GPM6A: variants seen among roughly 807,000 people sequenced by gnomAD.
GPM6A encodes glycoprotein M6A, also known as neuronal membrane glycoprotein M6-a.
A neutral mutation model predicts 32.1 loss-of-function variants in GPM6A; 7 were observed. The observed-to-expected ratio is 0.22, with a 90% CI of 0.12 to 0.41. The LOEUF is 0.41. GPM6A is among the 10% of genes least tolerant of loss of function. The probability of loss-of-function intolerance (pLI) is 1.00; values close to 1 mark genes in which losing one functional copy is unlikely to be tolerated. For missense variants in GPM6A, 235 were observed against 347.2 expected (o/e 0.68, Z 2.57); for synonymous variants, 130 against 123.4 (o/e 1.05, Z -0.35).
intron 1 of GPM6A, among the ~76,000 whole-genome samples, chr4:175,844,367 C>G (rs1736027276): frequency 6.6e-6 from 1 of 152,146 alleles, no homozygotes; most frequent in Non-Finnish European, 1.5e-5. Flanking sequence ...TGCCACAAGA[C>G]TGAATTATCT....
chr4:175,685,129 T>A (rs947624362), intron 2 of GPM6A, among the ~76,000 whole-genome samples: 1 of 152,138 alleles, frequency 6.6e-6, no homozygotes, highest in African/African-American at 2.4e-5. Context: ...GACCTCGTGA[T>A]CCACCTGCCT....
intron 1 of GPM6A, among the ~76,000 whole-genome samples, chr4:175,724,651 A>C (rs985525871): frequency 6.6e-6 from 1 of 152,150 alleles, no homozygotes. Flanking sequence ...TGAACTGTGC[A>C]TTATATATGT....
At chr4:175,860,543 A>C (rs1211020258) in intron 1 of GPM6A, among the ~76,000 whole-genome samples, 1 of 152,228 alleles carries the variant, frequency 6.6e-6, no homozygotes, top group Non-Finnish European at 1.5e-5. Context: ...AGAGAAATTG[A>C]ATCCATAATT....
At chr4:175,781,588 G>A (rs567720132) in intron 1 of GPM6A, among the ~76,000 whole-genome samples, 19 of 152,044 alleles carry the variant, frequency 1.2e-4, no homozygotes, top group South Asian at 1.0e-3. Context: ...CACTTCATTC[G>A]GTCATTACCT....
chr4:175,711,103 T>C (rs905605704), intron 1 of GPM6A, among the ~76,000 whole-genome samples: 1 of 152,150 alleles, frequency 6.6e-6, no homozygotes, highest in Admixed American at 6.5e-5. Context: ...TGTACATACA[T>C]GTGTACATAT....
At chr4:175,836,881 AC>A (rs1735785509) in intron 1 of GPM6A, among the ~76,000 whole-genome samples, 1 of 152,174 alleles carries the variant, frequency 6.6e-6, no homozygotes, top group Non-Finnish European at 1.5e-5. Flanking sequence ...AAATGGCTTC[AC>A]CAGGCATAGC....
intron 1 of GPM6A, among the ~76,000 whole-genome samples, chr4:175,838,388 A>C (rs914091669): frequency 3.3e-5 from 5 of 149,568 alleles, no homozygotes; most frequent in East Asian, 2.1e-4. Context: ...TACTGTCTGA[A>C]GCTTGGATGA....
intron 1 of GPM6A, among the ~76,000 whole-genome samples, chr4:175,830,385 A>G (rs1471128655): frequency 6.6e-6 from 1 of 152,178 alleles, no homozygotes; most frequent in East Asian, 1.9e-4. Context: ...TGTTATAACT[A>G]TGTAGGCCAA....
chr4:175,758,265 T>C (rs956711687), intron 1 of GPM6A, among the ~76,000 whole-genome samples: 4 of 152,194 alleles, frequency 2.6e-5, no homozygotes, highest in Non-Finnish European at 4.4e-5. Flanking sequence ...CAATATATTC[T>C]CTTGTTTATT....
Position 175,640,203 on chromosome 4 carries a change from G to A in GPM6A, c.619-9C>T, listed in dbSNP as rs774124071. On this transcript the variant is annotated splice_polypyrimidine_tract_variant and intron_variant, in intron 5 of 6. Transcript: ENST00000393658. ...TGGAAGGTCATGTTCAGCTGCAATG[G>A]AAACCACAGAGAATCAAAAGGTGTC... 6 of 1,610,166 alleles carry A rather than the reference G, an allele frequency of 3.7e-6. No homozygotes were observed. Among genetic ancestry groups the A allele is most frequent in the Admixed American group, 1.7e-5 (1 of 59,960 alleles).
At chr4:175,989,863 T>C (rs1741084208) in intron 1 of GPM6A, among the ~76,000 whole-genome samples, 4 of 152,298 alleles carry the variant, frequency 2.6e-5, no homozygotes, top group Admixed American at 2.6e-4. Context: ...TGAATAATCA[T>C]AAATGTTTCT....
At chr4:175,854,773 GAA>G (rs1397690688) in intron 1 of GPM6A, among the ~76,000 whole-genome samples, 1 of 152,182 alleles carries the variant, frequency 6.6e-6, no homozygotes, top group Non-Finnish European at 1.5e-5. Flanking sequence ...CACAAAGAGA[GAA>G]GTGTGGAGAT....
intron 1 of GPM6A, among the ~76,000 whole-genome samples, chr4:175,835,462 A>G (rs1735735439): frequency 6.6e-6 from 1 of 151,994 alleles, no homozygotes; most frequent in South Asian, 2.1e-4. Flanking sequence ...CTAGTGAACC[A>G]GAAAATCTGG....
At chr4:175,725,395 G>T (rs1220111230) in intron 1 of GPM6A, among the ~76,000 whole-genome samples, 5 of 151,278 alleles carry the variant, frequency 3.3e-5, no homozygotes, top group Admixed American at 3.3e-4. Flanking sequence ...GGGCTCAAGT[G>T]ATCTTACCAC....
At chr4:175,876,051 T>C (rs1055780722) in intron 1 of GPM6A, among the ~76,000 whole-genome samples, 3 of 152,226 alleles carry the variant, frequency 2.0e-5, no homozygotes, top group African/African-American at 7.2e-5. Context: ...TCAGATAACC[T>C]TTTTTGTCAC....
At chr4:175,976,580 G>T (rs746440341) in intron 1 of GPM6A, among the ~76,000 whole-genome samples, 1 of 152,072 alleles carries the variant, frequency 6.6e-6, no homozygotes, top group Non-Finnish European at 1.5e-5. Flanking sequence ...CAGAACCAAC[G>T]GTAGGGACCA....
chr4:175,934,398 C>T (rs1006977211), intron 1 of GPM6A, among the ~76,000 whole-genome samples: 1 of 152,094 alleles, frequency 6.6e-6, no homozygotes, highest in African/African-American at 2.4e-5. Flanking sequence ...AAATAATTTA[C>T]CTACTGGTTA....
chr4:175,987,882 C>G (rs1213108298), intron 1 of GPM6A, among the ~76,000 whole-genome samples: 1 of 151,998 alleles, frequency 6.6e-6, no homozygotes, highest in South Asian at 2.1e-4. Context: ...AATAATATAA[C>G]CTTTTTTCAC....
intron 6 of GPM6A, among the ~76,000 whole-genome samples, chr4:175,636,967 T>C (rs1379633208): frequency 7.4e-6 from 1 of 134,634 alleles, no homozygotes; most frequent in African/African-American, 2.7e-5. Context: ...TATTTATATA[T>C]ATTTATATAT....
Sources: gnomAD v4.1 joint callset for allele counts (sites outside exome capture counted in the v4.1 genomes callset) on GRCh38, gnomAD v4.1.1 for gene constraint, MANE v1.5 for transcripts, NCBI Gene and HGNC (gene_info 2026-07-23, HGNC 2026-07-21) for gene names.